Variants in EWSR1 observed in about 807,000 individuals in gnomAD.
EWSR1 encodes the protein RNA-binding protein EWS.
A neutral mutation model predicts 92.1 loss-of-function variants in EWSR1; 14 were observed. The ratio of observed to expected loss-of-function variants is 0.15; its 90% confidence interval spans 0.10 to 0.24. The LOEUF is 0.24. Among genes scored for constraint, EWSR1 ranks in the 10% least tolerant of loss-of-function variants. EWSR1 has a pLI of 1.00. For missense variants in EWSR1, 637 were observed against 870.9 expected (o/e 0.73, Z 3.38); for synonymous variants, 303 against 292.9 (o/e 1.03, Z -0.35).
rs1569118149 is a variant in EWSR1, at chr22:29,297,321, CTTTTGTATT to C, written c.1295-501_1295-493del. On this transcript the variant is annotated intron_variant, in intron 12 of 16. Coordinates refer to ENST00000397938, the MANE Select transcript of EWSR1 (RefSeq NM_005243.4). ...GCGCATGTCACCACGCTGAGCCTAACTTTTGTATTTTTTAGTAGAGATGGGGTTTCACCA... is the reference window on the plus strand; with the variant it reads ...GCGCATGTCACCACGCTGAGCCTAACTTTTAGTAGAGATGGGGTTTCACCA... Among the ~76,000 whole-genome samples the C allele has an allele frequency of 2.0e-5, 3 of 152,220 alleles. No individual in the cohort carries two copies. In the South Asian group the frequency reaches 6.2e-4, roughly 32 times the overall value.
At position 29,272,200 on chromosome 22, in the gene EWSR1, C is replaced by T. The variant is rs200382526; in HGVS notation, c.14-16C>T. The T allele has an allele frequency of 1.2e-6, 2 of 1,612,990 alleles. No homozygotes were observed. Among genetic ancestry groups the T allele is most frequent in the East Asian group, 2.2e-5 (1 of 44,880 alleles). On this transcript the variant is annotated splice_polypyrimidine_tract_variant and intron_variant, in intron 1 of 16. Coordinates refer to ENST00000397938, the MANE Select transcript of EWSR1 (RefSeq NM_005243.4). ...CTGCTAACTTTACACTATTTTTCCT[C>T]CTTGTTTTCCTCTAGATTACAGTAC... is the stretch of plus-strand genomic sequence containing the variant.
In EWSR1 at chr22:29,282,553, A is replaced by T. The variant is rs775530911; in HGVS notation, c.577A>T (p.Thr193Ser). 1 of 1,507,686 alleles carries T rather than the reference A, an allele frequency of 6.6e-7. No homozygotes were observed. The highest frequency in any genetic ancestry group is 8.8e-7 in the Non-Finnish European group (1 of 1,133,476). The allele number at this position is 1,507,686 out of a possible 1,614,324, so 93.4% of individuals were successfully genotyped here. Reference sequence around the variant, plus strand: ...CACTGCACCTCCATCCTACCCTCCTACCAGGTCAGTCTACTTTTTGTGGCA... The same window carrying T: ...CACTGCACCTCCATCCTACCCTCCTTCCAGGTCAGTCTACTTTTTGTGGCA... The part of the protein sequence containing the change: ...PVTAPPSYPP[T>S]SYSSTQPTSY... The change falls in exon 6 of 17, where the codon ACC becomes TCC. Residue 193 changes from threonine to serine, a missense_variant. By Grantham distance (58) the Thr-to-Ser change is moderately conservative (BLOSUM62 1). Coordinates refer to ENST00000397938, the MANE Select transcript of EWSR1 (RefSeq NM_005243.4).
At position 29,300,375 on chromosome 22, in the gene EWSR1, GTTGT is replaced by G. The variant is rs969268250; in HGVS notation, c.*217_*220del. ...TTTTTTCTTCCTTCTTTTAAAAATGGTTGTTTAAGACTTTAACAATGGGAACCCC... is the reference window on the plus strand; with the variant it reads ...TTTTTTCTTCCTTCTTTTAAAAATGGTTAAGACTTTAACAATGGGAACCCC... On this transcript the variant is annotated 3_prime_UTR_variant, in exon 17 of 17. Transcript: ENST00000397938. 4.3e-5 allele frequency: 22 copies of G among 512,496 alleles called. No homozygotes were observed. Among genetic ancestry groups the G allele is most frequent in the Middle Eastern group, 5.3e-4 (1 of 1,894 alleles). The allele number at this position is 512,496 out of a possible 1,614,324, so 31.7% of individuals were successfully genotyped here. A position where few individuals can be genotyped will look rare whatever the true frequency, so the allele number is the denominator to read the frequency against.
At chr22:29,293,593 T>G (rs1214586494) in intron 11 of EWSR1, among the ~76,000 whole-genome samples, 1 of 152,240 alleles carries the variant, frequency 6.6e-6, no homozygotes, top group Non-Finnish European at 1.5e-5. Context: ...ACTGAGACAG[T>G]CTTGCTGTGT....
chr22:29,297,790 A>G (rs2060982394), intron 12 of EWSR1, 37 bp from the exon 13 acceptor site: 2 of 1,611,850 alleles, frequency 1.2e-6, no homozygotes, highest in Non-Finnish European at 1.7e-6. Flanking sequence ...AACAGGGAGT[A>G]CAGGGGAGTA....
chr22:29,299,381 CTT>C (rs1267035820), intron 15 of EWSR1, 50 bp downstream of exon 15: 2 of 1,575,024 alleles, frequency 1.3e-6, no homozygotes, highest in South Asian at 2.3e-5. Context: ...TGCTAAACCT[CTT>C]TTCTTATTTG....
chr22:29,281,313 C>T (rs2059584262), intron 5 of EWSR1, among the ~76,000 whole-genome samples: 2 of 151,080 alleles, frequency 1.3e-5, no homozygotes, highest in South Asian at 4.2e-4. Context: ...CCGCACCTGG[C>T]AGTTTGTTTT....
intron 14 of EWSR1, 110 bp from the exon 15 acceptor site, chr22:29,299,124 T>C: frequency 1.3e-6 from 2 of 1,589,882 alleles, no homozygotes; most frequent in Non-Finnish European, 1.7e-6. Flanking sequence ...AAAGCATGGG[T>C]GTACATAGAT....
chr22:29,268,679 G>T (rs2058352008), intron 1 of EWSR1, among the ~76,000 whole-genome samples: 1 of 152,344 alleles, frequency 6.6e-6, no homozygotes, highest in African/African-American at 2.4e-5. Context: ...GGCCTTCGAG[G>T]CCCTGCGTGA....
At position 29,300,415 on chromosome 22, in the gene EWSR1, G is replaced by GCTCAGTAT. The variant is rs1216973206; in HGVS notation, c.*256_*263dup. On this transcript the variant is annotated 3_prime_UTR_variant, in exon 17 of 17. Transcript: ENST00000397938. ...AACAATGGGAACCCCTTGTGAGCAT[G>GCTCAGTAT]CTCAGTATCATTGTGGAGAACCAAG... 2.4e-6 allele frequency: 1 copy of GCTCAGTAT among 412,370 alleles called. No homozygotes were observed. The highest frequency in any genetic ancestry group is 4.3e-6 in the Non-Finnish European group (1 of 230,322). The allele number at this position is 412,370 out of a possible 1,614,324, so 25.5% of individuals were successfully genotyped here. A position where few individuals can be genotyped will look rare whatever the true frequency, so the allele number is the denominator to read the frequency against.
Position 29,300,378 on chromosome 22 carries a change from G to T in EWSR1, c.*217G>T. The T allele has an allele frequency of 2.1e-6, 1 of 486,302 alleles. No homozygotes were observed. Among genetic ancestry groups the T allele is most frequent in the Non-Finnish European group, 3.7e-6 (1 of 272,200 alleles). The allele number at this position is 486,302 out of a possible 1,614,324, so 30.1% of individuals were successfully genotyped here. A position where few individuals can be genotyped will look rare whatever the true frequency, so the allele number is the denominator to read the frequency against. On this transcript the variant is annotated 3_prime_UTR_variant, in exon 17 of 17. Transcript: ENST00000397938. ...TTTCTTCCTTCTTTTAAAAATGGTTGTTTAAGACTTTAACAATGGGAACCC... is the reference window on the plus strand; with the variant it reads ...TTTCTTCCTTCTTTTAAAAATGGTTTTTTAAGACTTTAACAATGGGAACCC...
chr22:29,296,973 C>G (rs986173631), intron 12 of EWSR1, among the ~76,000 whole-genome samples: 1 of 152,140 alleles, frequency 6.6e-6, no homozygotes, highest in Non-Finnish European at 1.5e-5. Flanking sequence ...CACTTGAGCC[C>G]GGAGAGTTTG....
chr22:29,287,051 C>T lies in EWSR1; in HGVS notation c.710C>T (p.Pro237Leu). Residue 237 changes from proline to leucine, a missense_variant, in exon 7 of 17, where the codon CCC becomes CTC. Physicochemically the swap from Pro to Leu is moderately conservative, Grantham distance 98. This residue lies in a region of EWSR1 where 116 missense variants were observed against 167.8 expected (regional missense o/e 0.69). Transcript: ENST00000397938. ...CAAAGCAGCTATGGGCAGCAGCCTC[C>T]CACTAGTTACCCACCCCAAACTGGA... is the stretch of plus-strand genomic sequence containing the variant. ...GQQSSYGQQP[P>L]TSYPPQTGSY... 1 of 1,613,952 alleles carries T rather than the reference C, an allele frequency of 6.2e-7. No homozygotes were observed. The highest frequency in any genetic ancestry group is 8.5e-7 in the Non-Finnish European group (1 of 1,179,892).
At chr22:29,283,474 G>T (rs983845693) in intron 6 of EWSR1, among the ~76,000 whole-genome samples, 1 of 149,330 alleles carries the variant, frequency 6.7e-6, no homozygotes, top group Middle Eastern at 3.4e-3. Flanking sequence ...TCAGCCTCCC[G>T]AGTAGCTGGG....
intron 1 of EWSR1, among the ~76,000 whole-genome samples, chr22:29,271,057 C>T (rs1411233090): frequency 6.6e-6 from 1 of 152,212 alleles, no homozygotes; most frequent in South Asian, 2.1e-4. Flanking sequence ...CTCAGGCCGC[C>T]GAGGGATTGT....
At chr22:29,283,912 G>A (rs1034681369) in intron 6 of EWSR1, among the ~76,000 whole-genome samples, 5 of 151,012 alleles carry the variant, frequency 3.3e-5, no homozygotes, top group Non-Finnish European at 5.9e-5. Flanking sequence ...TTGGCTCACC[G>A]CAACCTCTGC....
intron 1 of EWSR1, among the ~76,000 whole-genome samples, chr22:29,271,901 A>G (rs1017663510): frequency 6.6e-6 from 1 of 152,196 alleles, no homozygotes; most frequent in African/African-American, 2.4e-5. Flanking sequence ...TGTGATATTG[A>G]TGATCATCCT....
At chr22:29,286,689 A>G (rs1340800928) in intron 6 of EWSR1, among the ~76,000 whole-genome samples, 1 of 23,896 alleles carries the variant, frequency 4.2e-5, no homozygotes, top group African/African-American at 3.7e-4. Flanking sequence ...TCTGTCTCAA[A>G]AAAAAAAAAA....
At chr22:29,272,281 G>C (rs1441127089) in intron 2 of EWSR1, 29 bp downstream of exon 2, 1 of 1,613,694 alleles carries the variant, frequency 6.2e-7, no homozygotes, top group East Asian at 2.2e-5. Flanking sequence ...ACCGTATTTT[G>C]TGTGTGATTA....
Sources: allele counts gnomAD v4.1 joint callset (sites outside exome capture counted in the v4.1 genomes callset), GRCh38; gene constraint gnomAD v4.1.1; regional missense constraint gnomAD v4.1.1; transcripts MANE v1.5; gene names NCBI Gene and HGNC (gene_info 2026-07-23, HGNC 2026-07-21).